The following ENTREP2 variants were observed in gnomAD, a reference collection of about 807,000 sequenced individuals.
ENTREP2 encodes the protein protein ENTREP2.
chr15:29,478,912 A>C, the ENTREP2 span, among the ~76,000 whole-genome samples: 1 of 131,398 alleles, frequency 7.6e-6, no homozygotes, highest in African/African-American at 2.9e-5. Context: ...AGTGTGTGGC[A>C]GGCCAGGCGT....
the ENTREP2 span, among the ~76,000 whole-genome samples, chr15:29,463,596 A>AT: frequency 1.2e-3 from 185 of 151,864 alleles, 1 homozygote; most frequent in Non-Finnish European, 2.2e-3. Context: ...CAAGTTTTTG[A>AT]TTTTTTTTTC....
chr15:29,539,540 G>A, the ENTREP2 span, among the ~76,000 whole-genome samples: 3 of 152,000 alleles, frequency 2.0e-5, no homozygotes, highest in African/African-American at 7.2e-5. Flanking sequence ...AACCCTGGCT[G>A]TACTTTCACT....
At chr15:29,250,281 T>G in the ENTREP2 span, among the ~76,000 whole-genome samples, 1 of 152,076 alleles carries the variant, frequency 6.6e-6, no homozygotes, top group South Asian at 2.1e-4. Flanking sequence ...AACACACTGG[T>G]TTGTAGCTCT....
At chr15:29,151,253 G>A in the ENTREP2 span, among the ~76,000 whole-genome samples, 89 of 152,322 alleles carry the variant, frequency 5.8e-4, no homozygotes, top group Middle Eastern at 0.01. Context: ...AGGGTCAAAT[G>A]ATGGCCAGTG....
the ENTREP2 span, chr15:29,233,864 G>T: frequency 1.3e-6 from 2 of 1,578,934 alleles, no homozygotes; most frequent in Non-Finnish European, 1.7e-6. Context: ...TGTGGGAGAT[G>T]ATGTCAAATG....
chr15:29,652,459 T>G, the ENTREP2 span, among the ~76,000 whole-genome samples: 2 of 152,188 alleles, frequency 1.3e-5, no homozygotes, highest in Non-Finnish European at 2.9e-5. Flanking sequence ...AGTCTAGAAG[T>G]GCTGTAACAC....
the ENTREP2 span, among the ~76,000 whole-genome samples, chr15:29,357,869 A>C: frequency 6.6e-6 from 1 of 151,916 alleles, no homozygotes; most frequent in South Asian, 2.1e-4. Context: ...AAAAAAAAAA[A>C]AACTGGTTGA....
chr15:29,636,561 T>G, the ENTREP2 span, among the ~76,000 whole-genome samples: 5 of 152,312 alleles, frequency 3.3e-5, no homozygotes, highest in East Asian at 9.6e-4. Context: ...CACAGCAATA[T>G]TATGCCAGTA....
At chr15:29,375,715 T>A in the ENTREP2 span, 2 of 152,188 alleles carry the variant, frequency 1.3e-5, no homozygotes, top group Admixed American at 1.3e-4. Context: ...CTAGGGTCCC[T>A]AAATGCAATG....
chr15:29,584,668 G>A, the ENTREP2 span, among the ~76,000 whole-genome samples: 2 of 152,086 alleles, frequency 1.3e-5, no homozygotes, highest in East Asian at 1.9e-4. Context: ...CTTTGGGGTG[G>A]GGGAAATGGG....
chr15:29,286,067 T>G, the ENTREP2 span, among the ~76,000 whole-genome samples: 1 of 152,196 alleles, frequency 6.6e-6, no homozygotes, highest in Admixed American at 6.5e-5. Flanking sequence ...AAACAATCAC[T>G]ACAACAACTT....
chr15:29,257,051 TTTATTTA>T, the ENTREP2 span, among the ~76,000 whole-genome samples: 2 of 120,500 alleles, frequency 1.7e-5, no homozygotes, highest in Admixed American at 8.4e-5. Flanking sequence ...TTATTATTTA[TTTATTTA>T]TTTATTTATT....
chr15:29,645,839 G>GT, the ENTREP2 span, among the ~76,000 whole-genome samples: 1 of 152,232 alleles, frequency 6.6e-6, no homozygotes, highest in South Asian at 2.1e-4. Context: ...GATTACAGGC[G>GT]TGAGCCACTG....
At chr15:29,255,377 A>T in the ENTREP2 span, among the ~76,000 whole-genome samples, 1 of 152,212 alleles carries the variant, frequency 6.6e-6, no homozygotes, top group African/African-American at 2.4e-5. Context: ...ATAACATGTT[A>T]GCAAGGATGT....
the ENTREP2 span, chr15:29,122,658 G>C: frequency 6.6e-6 from 1 of 152,260 alleles, no homozygotes; most frequent in Non-Finnish European, 1.5e-5. Flanking sequence ...TCAAGGCCCA[G>C]GAGATGGTGG....
chr15:29,424,802 G>A, the ENTREP2 span, among the ~76,000 whole-genome samples: 1 of 152,104 alleles, frequency 6.6e-6, no homozygotes, highest in Admixed American at 6.5e-5. Flanking sequence ...TGCACAAATT[G>A]CTACCAAAAT....
At chr15:29,581,772 T>C in the ENTREP2 span, among the ~76,000 whole-genome samples, 2 of 152,190 alleles carry the variant, frequency 1.3e-5, no homozygotes, top group South Asian at 4.1e-4. Flanking sequence ...GCACAGGCTC[T>C]AGAATAGCTA....
chr15:29,120,127 G>A, the ENTREP2 span: 3 of 152,266 alleles, frequency 2.0e-5, no homozygotes, highest in African/African-American at 7.2e-5. Flanking sequence ...GCACAGCTGA[G>A]TGGCATGGGT....
the ENTREP2 span, among the ~76,000 whole-genome samples, chr15:29,421,198 A>G: frequency 6.6e-6 from 1 of 152,234 alleles, no homozygotes; most frequent in African/African-American, 2.4e-5. Flanking sequence ...CTATTGATTA[A>G]GGCGAGGCAA....
Sources: gnomAD v4.1 joint callset for allele counts (sites outside exome capture counted in the v4.1 genomes callset) on GRCh38, gnomAD v4.1.1 for gene constraint, MANE v1.5 for transcripts, NCBI Gene and HGNC (gene_info 2026-07-23, HGNC 2026-07-21) for gene names.